Variants in TERF1 observed in about 807,000 individuals in gnomAD.
The protein encoded by TERF1 is telomeric repeat-binding factor 1.
A neutral mutation model predicts 55.1 loss-of-function variants in TERF1; 20 were observed. That is an observed-to-expected ratio of 0.36 (90% CI 0.26 to 0.53). The LOEUF (loss-of-function observed/expected upper bound fraction) is 0.53, where lower values mean the gene tolerates loss of function less well. Among genes scored for constraint, TERF1 ranks in the 20% least tolerant of loss-of-function variants. TERF1 has a pLI of 0.91. For synonymous variants in TERF1, 168 were observed against 181.2 expected (o/e 0.93, Z 0.59); for missense variants, 439 against 535.7 (o/e 0.82, Z 1.78).
chr8:73,013,340 A>G (rs1808355430), intron 1 of TERF1, among the ~76,000 whole-genome samples: 1 of 152,154 alleles, frequency 6.6e-6, no homozygotes. Flanking sequence ...TTTTCACAAC[A>G]TTTTTACTTC....
intron 2 of TERF1, among the ~76,000 whole-genome samples, chr8:73,020,139 A>G (rs1808688196): frequency 6.6e-6 from 1 of 152,244 alleles, no homozygotes; most frequent in African/African-American, 2.4e-5. Context: ...AGACATTATC[A>G]TGAAGGCTCT....
rs1044876803 is a variant in TERF1 at position 73,024,902 on chromosome 8, C to T, written c.705C>T (p.His235=). 6.3e-7 allele frequency: 1 copy of T among 1,583,828 alleles called. No individual in the cohort carries two copies. The highest frequency in any genetic ancestry group is 8.6e-7 in the Non-Finnish European group (1 of 1,168,796). The change falls in exon 5 of 10, where the codon CAC becomes CAT. Residue 235 remains histidine, a synonymous_variant. Coordinates refer to ENST00000276603, the MANE Select transcript of TERF1 (RefSeq NM_017489.3). ...TTTTTCAACACTTCAGCTACAACCA[C>T]ATGATGGAGAAAATTAAGAGTTATG... ...HSFFQHFSYN[H]MMEKIKSYVN... is the part of the protein sequence containing the mutation.
chr8:73,026,260 A>G (rs1299976316), intron 5 of TERF1, among the ~76,000 whole-genome samples: 4 of 140,136 alleles, frequency 2.9e-5, no homozygotes, highest in Admixed American at 7.2e-5. Context: ...CACTTTGGGA[A>G]GCCAAAATGG....
At chr8:73,027,907 A>G (rs759732527) in intron 6 of TERF1, among the ~76,000 whole-genome samples, 1 of 152,158 alleles carries the variant, frequency 6.6e-6, no homozygotes, top group African/African-American at 2.4e-5. Flanking sequence ...AGGTTCTGTC[A>G]TCTTATAGTG....
At chr8:73,037,599 T>C (rs1408881430) in intron 8 of TERF1, among the ~76,000 whole-genome samples, 1 of 107,162 alleles carries the variant, frequency 9.3e-6, no homozygotes, top group Non-Finnish European at 1.8e-5. Flanking sequence ...ATATAACATA[T>C]CATAAATTTA....
intron 6 of TERF1, among the ~76,000 whole-genome samples, chr8:73,027,439 C>T (rs946772408): frequency 1.3e-5 from 2 of 152,174 alleles, no homozygotes; most frequent in Admixed American, 1.3e-4. Flanking sequence ...CTTCTCTAAG[C>T]ATAAGCTCAC....
At chr8:73,012,690 C>T (rs1808332457) in intron 1 of TERF1, among the ~76,000 whole-genome samples, 1 of 151,640 alleles carries the variant, frequency 6.6e-6, no homozygotes, top group Non-Finnish European at 1.5e-5. Context: ...AAAAAGGTGC[C>T]GTTAGACTTG....
In TERF1 at chr8:73,027,044, A is replaced by G. The variant is rs1234129801; in HGVS notation, c.879A>G (p.Thr293=). 5 of 1,607,042 alleles carry G rather than the reference A, an allele frequency of 3.1e-6. No homozygotes were observed. Among genetic ancestry groups the G allele is most frequent in the Non-Finnish European group, 4.2e-6 (5 of 1,176,704 alleles). The change falls in exon 6 of 10, where the codon ACA becomes ACG. Residue 293 remains threonine, a synonymous_variant. Transcript: ENST00000276603. Reference sequence around the variant, plus strand: ...TGGAAACTGAAGCTAATTTGGATACAAGAAAAAGGTTTGTAATTTAATCAA... The same window carrying G: ...TGGAAACTGAAGCTAATTTGGATACGAGAAAAAGGTTTGTAATTTAATCAA... ...VEMETEANLD[T]RKSVSDKQSA...
At chr8:73,037,692 TATA>T (rs1809612915) in intron 8 of TERF1, among the ~76,000 whole-genome samples, 1 of 44,142 alleles carries the variant, frequency 2.3e-5, no homozygotes, top group South Asian at 4.7e-4. Flanking sequence ...ATATATATTA[TATA>T]GTATAATATT....
At chr8:73,038,705 G>A in intron 8 of TERF1, 1 of 907,748 alleles carries the variant, frequency 1.1e-6, no homozygotes. Context: ...TTTCTTTTCA[G>A]TTACATATAT....
At chr8:73,010,371 C>A (rs1808234437) in intron 1 of TERF1, 1 of 152,100 alleles carries the variant, frequency 6.6e-6, no homozygotes, top group African/African-American at 2.4e-5. Context: ...AAAATTAAAT[C>A]CTGGAATGAA....
At chr8:73,025,891 G>C (rs907360646) in intron 5 of TERF1, among the ~76,000 whole-genome samples, 2 of 143,684 alleles carry the variant, frequency 1.4e-5, no homozygotes, top group Non-Finnish European at 3.0e-5. Flanking sequence ...ATGAGACCCT[G>C]TCTCAAAAAA....
At position 73,009,223 on chromosome 8, in the gene TERF1, C is replaced by G. The variant is rs778997056; in HGVS notation, c.319+18C>G. 1 of 1,600,678 alleles carries G rather than the reference C, an allele frequency of 6.2e-7. No homozygotes were observed. Among genetic ancestry groups the G allele is most frequent in the Non-Finnish European group, 8.5e-7 (1 of 1,174,740 alleles). ...CGCAGAGGGTGAGTGCAGACCGCGTCCGGGCCGGGACTACGCGGGGGGCGG... is the reference window on the plus strand; with the variant it reads ...CGCAGAGGGTGAGTGCAGACCGCGTGCGGGCCGGGACTACGCGGGGGGCGG... On this transcript the variant is annotated intron_variant, in intron 1 of 9. Coordinates refer to ENST00000276603, the MANE Select transcript of TERF1 (RefSeq NM_017489.3).
Position 73,032,168 on chromosome 8 carries a change from A to G in TERF1, c.1039+35A>G, listed in dbSNP as rs1326835979. On this transcript the variant is annotated intron_variant, in intron 8 of 9. Transcript: ENST00000276603. The stretch of plus-strand genomic sequence containing the variant: ...GTTATAACAGTTTTAGAAGGGGAGA[A>G]TTGATGTGTCCTCAAACAATCCAGC... The G allele has an allele frequency of 5.5e-6, 8 of 1,458,378 alleles. No individual in the cohort carries two copies. In the East Asian group the frequency reaches 9.2e-5, roughly 17 times the overall value. The allele number at this position is 1,458,378 out of a possible 1,614,324, so 90.3% of individuals were successfully genotyped here.
chr8:73,031,943 T>C (rs1055011739), intron 7 of TERF1, 99 bp from the exon 8 acceptor site: 2 of 743,570 alleles, frequency 2.7e-6, no homozygotes, highest in Non-Finnish European at 4.3e-6. Flanking sequence ...AAAGTATTAA[T>C]AGAAGATCCT....
chr8:73,030,889 T>TG (rs1391658773), intron 7 of TERF1: 4 of 152,276 alleles, frequency 2.6e-5, no homozygotes, highest in African/African-American at 9.7e-5. Flanking sequence ...AGTGGAACCA[T>TG]GGGGAGGAGG....
intron 9 of TERF1, among the ~76,000 whole-genome samples, chr8:73,045,586 A>T (rs918211510): frequency 2.2e-4 from 34 of 152,178 alleles, no homozygotes; most frequent in Non-Finnish European, 5.9e-5. Flanking sequence ...TTCATTAGTG[A>T]ACTACTAAAC....
chr8:73,030,261 G>C, intron 6 of TERF1, 75 bp from the exon 7 acceptor site: 1 of 908,646 alleles, frequency 1.1e-6, no homozygotes, highest in South Asian at 1.8e-5. Context: ...AATATGCCTT[G>C]ACTATGTGGA....
At chr8:73,014,491 G>A (rs1254475253) in intron 2 of TERF1, among the ~76,000 whole-genome samples, 4 of 152,076 alleles carry the variant, frequency 2.6e-5, no homozygotes, top group Non-Finnish European at 4.4e-5. Context: ...CAGCGCTTAC[G>A]TAAGAAGTAC....
Sources: gnomAD v4.1 joint callset for allele counts (sites outside exome capture counted in the v4.1 genomes callset) on GRCh38, gnomAD v4.1.1 for gene constraint, MANE v1.5 for transcripts, NCBI Gene and HGNC (gene_info 2026-07-23, HGNC 2026-07-21) for gene names.